The following MORC3 variants were observed in gnomAD, a reference collection of about 807,000 sequenced individuals.
MORC3 encodes the protein MORC family CW-type zinc finger protein 3.
A neutral mutation model predicts 109.1 loss-of-function variants in MORC3; 31 were observed. The observed-to-expected ratio is 0.28, with a 90% CI of 0.21 to 0.38. The LOEUF (loss-of-function observed/expected upper bound fraction) is 0.38, where lower values mean the gene tolerates loss of function less well. MORC3 is among the 10% of genes least tolerant of loss of function. MORC3 has a pLI of 1.00. For missense variants in MORC3, 867 were observed against 1,135.8 expected, an observed-to-expected ratio of 0.76 and a Z score of 3.40; for synonymous variants, 395 against 380.7, an observed-to-expected ratio of 1.04 and a Z score of -0.44.
chr21:36,325,695 C>T (rs984245852), intron 1 of MORC3, among the ~76,000 whole-genome samples: 1 of 152,142 alleles, frequency 6.6e-6, no homozygotes, highest in Non-Finnish European at 1.5e-5. Flanking sequence ...TTGCTTTCTT[C>T]GGTTTTAATT....
chr21:36,372,231 A>C (rs2085878103), intron 15 of MORC3, 143 bp from the exon 16 acceptor site: 1 of 640,406 alleles, frequency 1.6e-6, no homozygotes, highest in African/African-American at 1.9e-5. Flanking sequence ...TGTTTATAGA[A>C]AACTACTGGT....
At chr21:36,364,510 C>T (rs1237046056) in intron 14 of MORC3, among the ~76,000 whole-genome samples, 1 of 151,898 alleles carries the variant, frequency 6.6e-6, no homozygotes, top group Non-Finnish European at 1.5e-5. Context: ...GGCAAAACCC[C>T]ATCTCTACTA....
intron 5 of MORC3, among the ~76,000 whole-genome samples, chr21:36,340,049 C>G (rs1272688184): frequency 6.6e-6 from 1 of 152,030 alleles, no homozygotes; most frequent in Non-Finnish European, 1.5e-5. Context: ...GAGGCTGAGG[C>G]GGGTGGATCA....
intron 5 of MORC3, 62 bp downstream of exon 5, chr21:36,338,983 T>TTA (rs2085405569): frequency 6.4e-7 from 1 of 1,553,184 alleles, no homozygotes; most frequent in Non-Finnish European, 8.9e-7. Context: ...GGTGGTGGTG[T>TTA]TATATTCATC....
intron 15 of MORC3, among the ~76,000 whole-genome samples, chr21:36,370,629 ATATATATATATTTTT>A (rs2085846793): frequency 5.7e-5 from 1 of 17,400 alleles, no homozygotes; most frequent in East Asian, 3.9e-3. Context: ...ATATATATAT[ATATATATATATTTTT>A]TTTTTTTTTT....
intron 8 of MORC3, among the ~76,000 whole-genome samples, chr21:36,345,559 C>G (rs1452928687): frequency 6.6e-6 from 1 of 151,870 alleles, no homozygotes; most frequent in Admixed American, 6.6e-5. Context: ...GTAGCTGGGA[C>G]TACAGGCACG....
At position 36,369,706 on chromosome 21, in the gene MORC3, A is replaced by G; in HGVS notation, c.2338A>G (p.Ile780Val). The change falls in exon 15 of 17, where the codon ATA becomes GTA. Residue 780 changes from isoleucine to valine, a missense_variant. Around this residue, in one of 7 missense-constraint regions of MORC3, gnomAD observed 486 missense variants for 502.1 expected, o/e 0.97. Coordinates refer to ENST00000400485, the MANE Select transcript of MORC3 (RefSeq NM_015358.3). ...TCAGTATCAGCAAGCTTTGGAAGAAATAGAAAGGCTGAAAAAACAATGTAG... is the reference window on the plus strand; with the variant it reads ...TCAGTATCAGCAAGCTTTGGAAGAAGTAGAAAGGCTGAAAAAACAATGTAG... Reference protein sequence around the residue: ...VSQYQQALEEIERLKKQCSAL... With the variant: ...VSQYQQALEEVERLKKQCSAL... 6.2e-7 allele frequency: 1 copy of G among 1,614,226 alleles called. No homozygotes were observed. Among genetic ancestry groups the G allele is most frequent in the Non-Finnish European group, 8.5e-7 (1 of 1,180,034 alleles).
chr21:36,330,698 C>T (rs1273050096), intron 1 of MORC3, among the ~76,000 whole-genome samples: 1 of 152,184 alleles, frequency 6.6e-6, no homozygotes, highest in Non-Finnish European at 1.5e-5. Flanking sequence ...ACCCCAAGGC[C>T]ATGTCCCATG....
chr21:36,320,757 G>C (rs2085183916), intron 1 of MORC3: 1 of 164,788 alleles, frequency 6.1e-6, no homozygotes, highest in African/African-American at 2.4e-5. Context: ...GCCTGCCTGC[G>C]GGCGAGTGGA....
At chr21:36,373,992 TAATC>T (rs1287652324) in intron 16 of MORC3, among the ~76,000 whole-genome samples, 1 of 152,218 alleles carries the variant, frequency 6.6e-6, no homozygotes, top group Non-Finnish European at 1.5e-5. Context: ...ATAATTATCT[TAATC>T]TATGGTTTCC....
In MORC3 at chr21:36,369,620, A is replaced by C; in HGVS notation, c.2252A>C (p.Asp751Ala). 1 of 1,614,244 alleles carries C rather than the reference A, an allele frequency of 6.2e-7. No homozygotes were observed. The highest frequency in any genetic ancestry group is 8.5e-7 in the Non-Finnish European group (1 of 1,180,046). ...ACTTGCCATCAGTCCACTGAAACCGATGCTGTATTTTTACTTGAAAGTATT... is the reference window on the plus strand; with the variant it reads ...ACTTGCCATCAGTCCACTGAAACCGCTGCTGTATTTTTACTTGAAAGTATT... ...KETCHQSTET[D>A]AVFLLESING... Residue 751 changes from aspartate (D) to alanine (A), a missense_variant, in exon 15 of 17, where the codon GAT becomes GCT. Around this residue, in one of 7 missense-constraint regions of MORC3, gnomAD observed 486 missense variants for 502.1 expected, o/e 0.97. Transcript: ENST00000400485.
chr21:36,321,416 A>G (rs2054554294), intron 1 of MORC3, among the ~76,000 whole-genome samples: 1 of 151,830 alleles, frequency 6.6e-6, no homozygotes, highest in Non-Finnish European at 1.5e-5. Flanking sequence ...TTCTTTTGGG[A>G]GGATCTTTAT....
chr21:36,349,234 A>G lies in MORC3; in HGVS notation c.1006-77A>G. 4 of 867,254 alleles carry G rather than the reference A, an allele frequency of 4.6e-6. 1 individual carries two copies. The South Asian group carries it at 6.3e-5, about 14-fold the overall frequency. 53.7% of individuals were successfully genotyped at this position (867,254 alleles called of 1,614,324 possible). A position where few individuals can be genotyped will look rare whatever the true frequency, so the allele number is the denominator to read the frequency against. On this transcript the variant is annotated intron_variant, in intron 8 of 16. Coordinates refer to ENST00000400485, the MANE Select transcript of MORC3 (RefSeq NM_015358.3). ...AGATAAAATATAGAAAAATATACAA[A>G]CTATAATTCTTTAAGGGTAATTATT...
At chr21:36,331,201 C>CT (rs1569089265) in intron 1 of MORC3, among the ~76,000 whole-genome samples, 1 of 152,152 alleles carries the variant, frequency 6.6e-6, no homozygotes, top group East Asian at 1.9e-4. Flanking sequence ...TGCTTTCCAC[C>CT]TTTTTTCCCC....
chr21:36,338,730 A>C (rs2085401814), intron 4 of MORC3, 44 bp from the exon 5 acceptor site: 1 of 1,522,610 alleles, frequency 6.6e-7, no homozygotes, highest in Non-Finnish European at 8.9e-7. Flanking sequence ...TATTGTAATT[A>C]TGAAAACTAT....
At chr21:36,352,717 T>C (rs2085587005) in intron 9 of MORC3, among the ~76,000 whole-genome samples, 1 of 152,150 alleles carries the variant, frequency 6.6e-6, no homozygotes, top group Admixed American at 6.6e-5. Flanking sequence ...GCGCAGTTAT[T>C]AGGGGGACTG....
intron 1 of MORC3, among the ~76,000 whole-genome samples, chr21:36,325,692 C>CT (rs2085240990): frequency 6.6e-6 from 1 of 152,154 alleles, no homozygotes; most frequent in South Asian, 2.1e-4. Flanking sequence ...GTTTTGCTTT[C>CT]TTCGGTTTTA....
intron 9 of MORC3, among the ~76,000 whole-genome samples, chr21:36,351,329 A>G (rs1601527666): frequency 2.0e-5 from 3 of 152,056 alleles, no homozygotes; most frequent in South Asian, 2.1e-4. Flanking sequence ...GCCTCCCAAA[A>G]TGGTGGGATT....
intron 1 of MORC3, among the ~76,000 whole-genome samples, chr21:36,321,324 C>T (rs981358273): frequency 8.5e-5 from 13 of 152,166 alleles, no homozygotes; most frequent in African/African-American, 2.9e-4. Context: ...TGTTGTTGAG[C>T]TCTTCGCATG....
Sources: gnomAD v4.1 joint callset for allele counts (sites outside exome capture counted in the v4.1 genomes callset) on GRCh38, gnomAD v4.1.1 for gene constraint, gnomAD v4.1.1 regional missense constraint, MANE v1.5 for transcripts, NCBI Gene and HGNC (gene_info 2026-07-23, HGNC 2026-07-21) for gene names.